Variants in TMEM266 observed in about 807,000 individuals in gnomAD.
The protein encoded by TMEM266 is transmembrane protein 266.
TMEM266 carries 33 observed loss-of-function variants against 50.5 expected under a neutral mutation model. The observed-to-expected ratio is 0.65, with a 90% CI of 0.50 to 0.87. TMEM266 has a LOEUF of 0.87. Ranked by LOEUF, TMEM266 falls within the 40% of genes least tolerant of loss-of-function variation. TMEM266 has a pLI of 0.00. For synonymous variants in TMEM266, 310 were observed against 292.3 expected (o/e 1.06, Z -0.62); for missense variants, 655 against 695.1 (o/e 0.94, Z 0.65).
At chr15:76,191,195 A>AGTGT (rs756421660) in intron 8 of TMEM266, among the ~76,000 whole-genome samples, 2 of 152,266 alleles carry the variant, frequency 1.3e-5, no homozygotes, top group Non-Finnish European at 2.9e-5. Flanking sequence ...TTCAGCTGTG[A>AGTGT]GTGTGCTTTA....
At chr15:76,069,182 G>C (rs2036495127) in intron 1 of TMEM266, among the ~76,000 whole-genome samples, 1 of 152,186 alleles carries the variant, frequency 6.6e-6, no homozygotes, top group African/African-American at 2.4e-5. Flanking sequence ...ATTCGGCCTA[G>C]TTAGCAGGAA....
chr15:76,172,179 G>A lies in TMEM266; in HGVS notation c.652+1048G>A, dbSNP rs192506271. Reference sequence around the variant, plus strand: ...CCAGGATGTTTTGTTGGTTTGGTTTGGTTTGGTTGACAGCAAAGCCCTTTC... The same window carrying A: ...CCAGGATGTTTTGTTGGTTTGGTTTAGTTTGGTTGACAGCAAAGCCCTTTC... On this transcript the variant is annotated intron_variant, in intron 7 of 10. Coordinates refer to ENST00000388942, the MANE Select transcript of TMEM266 (RefSeq NM_152335.3). Among the ~76,000 whole-genome samples, 48 of 152,262 alleles carry A rather than the reference G, an allele frequency of 3.2e-4. No individual in the cohort carries two copies. The East Asian group carries it at 6.8e-3, about 21-fold the overall frequency.
At chr15:76,180,469 G>A (rs1270958255) in intron 8 of TMEM266, among the ~76,000 whole-genome samples, 5 of 152,082 alleles carry the variant, frequency 3.3e-5, no homozygotes, top group Admixed American at 3.3e-4. Context: ...GAAGGAAAGT[G>A]CCATTCTTAT....
intron 1 of TMEM266, among the ~76,000 whole-genome samples, chr15:76,069,616 C>T (rs531254642): frequency 1.4e-4 from 22 of 152,088 alleles, no homozygotes; most frequent in Non-Finnish European, 2.2e-4. Context: ...GTCAGGAGTT[C>T]GAGATCAGCC....
intron 8 of TMEM266, among the ~76,000 whole-genome samples, chr15:76,177,779 C>T (rs777271089): frequency 5.9e-5 from 9 of 152,258 alleles, no homozygotes; most frequent in Non-Finnish European, 1.2e-4. Context: ...CTGTGCTGGG[C>T]TTGTGCCGGG....
intron 1 of TMEM266, among the ~76,000 whole-genome samples, chr15:76,086,823 G>A (rs1357713025): frequency 1.3e-5 from 2 of 151,942 alleles, no homozygotes; most frequent in African/African-American, 4.8e-5. Context: ...TTATACTCCT[G>A]TGCAAATGAA....
intron 9 of TMEM266, among the ~76,000 whole-genome samples, chr15:76,195,292 G>A (rs1430774666): frequency 6.6e-6 from 1 of 152,160 alleles, no homozygotes; most frequent in Non-Finnish European, 1.5e-5. Flanking sequence ...AGAGTTTGTT[G>A]CATTGAATGT....
chr15:76,070,690 G>T (rs1247724505), intron 1 of TMEM266, among the ~76,000 whole-genome samples: 2 of 152,162 alleles, frequency 1.3e-5, no homozygotes. Context: ...TCTTATTAAG[G>T]ATTCAAAGTT....
chr15:76,106,882 A>G (rs886961198), intron 1 of TMEM266, among the ~76,000 whole-genome samples: 14 of 152,224 alleles, frequency 9.2e-5, no homozygotes, highest in Non-Finnish European at 4.4e-5. Flanking sequence ...CAAGTATACT[A>G]TCTATTGCTA....
At chr15:76,164,003 C>T (rs2038056155) in intron 5 of TMEM266, among the ~76,000 whole-genome samples, 1 of 152,194 alleles carries the variant, frequency 6.6e-6, no homozygotes, top group Non-Finnish European at 1.5e-5. Flanking sequence ...ACTTTCATCA[C>T]CCTCAAAAGG....
intron 3 of TMEM266, among the ~76,000 whole-genome samples, chr15:76,141,530 T>C (rs2142035026): frequency 6.6e-6 from 1 of 152,298 alleles, no homozygotes; most frequent in South Asian, 2.1e-4. Flanking sequence ...TGAGCCACAG[T>C]GCCTAGCCTC....
At chr15:76,079,352 CA>C (rs59189205) in intron 1 of TMEM266, among the ~76,000 whole-genome samples, 120,850 of 141,840 alleles carry the variant, frequency 0.85, 51,441 homozygotes, top group South Asian at 0.9. Flanking sequence ...GACACCATCT[CA>C]AAAAAAAAAA....
intron 8 of TMEM266, among the ~76,000 whole-genome samples, chr15:76,190,260 A>G (rs2038548247): frequency 6.6e-6 from 1 of 152,212 alleles, no homozygotes; most frequent in Non-Finnish European, 1.5e-5. Flanking sequence ...AGACCAGCGC[A>G]TGCTTGGTAT....
rs1264060541 is a variant in TMEM266, at chr15:76,204,306, T to G, written c.1587T>G (p.Pro529=). Residue 529 remains proline (P), a synonymous_variant, in exon 11 of 11, where the codon CCT becomes CCG. Transcript: ENST00000388942. ...AAGAGCAAAAGCTGCACAGGGTCCCTGAGGCCTAGAGCCTGCCATGGGCTG... is the reference window on the plus strand; with the variant it reads ...AAGAGCAAAAGCTGCACAGGGTCCCGGAGGCCTAGAGCCTGCCATGGGCTG... 1.2e-6 allele frequency: 2 copies of G among 1,606,590 alleles called. No homozygotes were observed. Among genetic ancestry groups the G allele is most frequent in the Non-Finnish European group, 8.5e-7 (1 of 1,174,832 alleles).
intron 8 of TMEM266, 51 bp from the exon 9 acceptor site, chr15:76,191,917 C>A: frequency 1.3e-6 from 2 of 1,497,978 alleles, no homozygotes; most frequent in South Asian, 1.3e-5. Context: ...AGGCTGGAGG[C>A]CCCCGCCGGC....
chr15:76,070,388 T>C (rs2036521079), intron 1 of TMEM266, among the ~76,000 whole-genome samples: 1 of 152,256 alleles, frequency 6.6e-6, no homozygotes, highest in Admixed American at 6.5e-5. Context: ...TGACTACTTC[T>C]GAATGCTAAG....
intron 8 of TMEM266, among the ~76,000 whole-genome samples, chr15:76,180,284 G>T (rs1023924002): frequency 1.3e-5 from 2 of 152,114 alleles, no homozygotes; most frequent in Non-Finnish European, 1.5e-5. Flanking sequence ...GCATTCAGTA[G>T]GCTTAGGCTC....
chr15:76,173,154 G>A lies in TMEM266; in HGVS notation c.652+2023G>A, dbSNP rs76358025. ...CATCTTGGGGCGGCCTCTGGACCTG[G>A]AGATGGGTCTCAGGGACACGTGGCC... On this transcript the variant is annotated intron_variant, in intron 7 of 10. Coordinates refer to ENST00000388942, the MANE Select transcript of TMEM266 (RefSeq NM_152335.3). Among the ~76,000 whole-genome samples, 888 of 152,274 alleles carry A rather than the reference G, an allele frequency of 5.8e-3. 14 individuals carry two copies. The highest frequency in any genetic ancestry group is 0.021 in the African/African-American group (855 of 41,554).
intron 9 of TMEM266, among the ~76,000 whole-genome samples, chr15:76,199,549 G>A (rs1404149116): frequency 1.9e-4 from 29 of 151,454 alleles, no homozygotes; most frequent in African/African-American, 2.4e-5. Context: ...CTGGGTGTCC[G>A]TGCTGGCCAC....
Sources: allele counts gnomAD v4.1 joint callset (sites outside exome capture counted in the v4.1 genomes callset), GRCh38; gene constraint gnomAD v4.1.1; transcripts MANE v1.5; gene names NCBI Gene and HGNC (gene_info 2026-07-23, HGNC 2026-07-21).